Variants in KAZN observed in about 807,000 individuals in gnomAD.
KAZN encodes the protein kazrin.
Under a neutral mutation model 87.4 loss-of-function variants are expected in KAZN, and 40 were observed. The observed-to-expected ratio is 0.46, with a 90% CI of 0.36 to 0.60. The LOEUF (loss-of-function observed/expected upper bound fraction) is 0.60. Among genes scored for constraint, KAZN ranks in the 20% least tolerant of loss-of-function variants. The pLI is 0.00. For missense variants in KAZN, 898 were observed against 1,073.9 expected, an observed-to-expected ratio of 0.84 and a Z score of 2.29; for synonymous variants, 466 against 458.3, an observed-to-expected ratio of 1.02 and a Z score of -0.22.
At chr1:14,045,083 T>C (rs1420392434) in intron 1 of KAZN, among the ~76,000 whole-genome samples, 1 of 152,204 alleles carries the variant, frequency 6.6e-6, no homozygotes, top group African/African-American at 2.4e-5. Context: ...GTTACACAGA[T>C]GCCAAAGCCA....
At chr1:14,814,321 G>A (rs1381001309) in intron 1 of KAZN, among the ~76,000 whole-genome samples, 1 of 152,122 alleles carries the variant, frequency 6.6e-6, no homozygotes, top group Non-Finnish European at 1.5e-5. Context: ...CTGCCCCCCG[G>A]GTTCAAGTGA....
intron 1 of KAZN, among the ~76,000 whole-genome samples, chr1:14,888,194 T>C (rs779873862): frequency 6.6e-6 from 1 of 152,148 alleles, no homozygotes; most frequent in Non-Finnish European, 1.5e-5. Context: ...GAGCGGTGCT[T>C]TCAGAGGCTC....
At chr1:14,469,892 G>C (rs1668361386) in intron 2 of KAZN, among the ~76,000 whole-genome samples, 1 of 152,194 alleles carries the variant, frequency 6.6e-6, no homozygotes, top group African/African-American at 2.4e-5. Context: ...TCGGTATTCT[G>C]TGTTGGTTTT....
chr1:14,485,751 G>A (rs1669317582), intron 2 of KAZN, among the ~76,000 whole-genome samples: 1 of 151,870 alleles, frequency 6.6e-6, no homozygotes, highest in Admixed American at 6.6e-5. Context: ...AAATTAGCCG[G>A]GCATGCTGGT....
intron 1 of KAZN, among the ~76,000 whole-genome samples, chr1:14,879,517 C>T (rs553130713): frequency 5.9e-5 from 9 of 152,134 alleles, no homozygotes; most frequent in Non-Finnish European, 1.0e-4. Flanking sequence ...CAAAGCAAAA[C>T]GGCCCTGGGT....
intron 2 of KAZN, among the ~76,000 whole-genome samples, chr1:14,254,503 G>T (rs2100626370): frequency 6.6e-6 from 1 of 152,246 alleles, no homozygotes; most frequent in Admixed American, 6.5e-5. Flanking sequence ...ATATAGTGGG[G>T]TGAGGTTCTG....
chr1:14,810,946 G>A (rs1485489671), intron 1 of KAZN, among the ~76,000 whole-genome samples: 2 of 152,220 alleles, frequency 1.3e-5, no homozygotes, highest in Non-Finnish European at 2.9e-5. Context: ...GAGGGCATAG[G>A]ACATCCAAGG....
At chr1:14,836,144 G>A (rs78437744) in intron 1 of KAZN, among the ~76,000 whole-genome samples, 1 of 152,130 alleles carries the variant, frequency 6.6e-6, no homozygotes, top group African/African-American at 2.4e-5. Flanking sequence ...TGAGAGAAGA[G>A]GGGACAGAAG....
chr1:14,046,499 C>G (rs912320855), intron 1 of KAZN, among the ~76,000 whole-genome samples: 4 of 152,200 alleles, frequency 2.6e-5, no homozygotes, highest in Admixed American at 6.5e-5. Context: ...TCCAAATACA[C>G]TCCAACATCC....
chr1:14,905,837 C>T (rs1239351462), intron 1 of KAZN, among the ~76,000 whole-genome samples: 2 of 131,452 alleles, frequency 1.5e-5, no homozygotes, highest in Admixed American at 7.8e-5. Context: ...TGTGAGACTC[C>T]GTCTCAAAAA....
intron 3 of KAZN, among the ~76,000 whole-genome samples, chr1:15,035,838 T>TGTTTTCTGCCCTGC (rs1672204414): frequency 6.6e-6 from 1 of 152,154 alleles, no homozygotes; most frequent in Admixed American, 6.5e-5. Flanking sequence ...TTCTGGCCTC[T>TGTTTTCTGCCCTGC]GTTTTCTGCC....
At chr1:14,959,731 G>C (rs1034841162) in intron 1 of KAZN, among the ~76,000 whole-genome samples, 25 of 152,330 alleles carry the variant, frequency 1.6e-4, no homozygotes, top group Admixed American at 1.4e-3. Context: ...TGCACAGCCT[G>C]ATCACTGCCT....
intron 2 of KAZN, among the ~76,000 whole-genome samples, chr1:14,319,889 C>G (rs1160598860): frequency 6.6e-6 from 1 of 152,150 alleles, no homozygotes; most frequent in Non-Finnish European, 1.5e-5. Context: ...TAAACTGAGT[C>G]AAATCTGATT....
At chr1:14,260,505 G>A (rs1650930236) in intron 2 of KAZN, among the ~76,000 whole-genome samples, 1 of 152,164 alleles carries the variant, frequency 6.6e-6, no homozygotes, top group African/African-American at 2.4e-5. Context: ...GGGACAATAG[G>A]AGAGAAGTCA....
At chr1:14,663,785 A>G (rs1169886170) in intron 1 of KAZN, among the ~76,000 whole-genome samples, 3 of 152,202 alleles carry the variant, frequency 2.0e-5, no homozygotes, top group African/African-American at 4.8e-5. Flanking sequence ...TGAAAATAAA[A>G]TTACCTTATG....
intron 2 of KAZN, among the ~76,000 whole-genome samples, chr1:14,342,468 T>G (rs1657803790): frequency 6.6e-6 from 1 of 152,232 alleles, no homozygotes; most frequent in South Asian, 2.1e-4. Flanking sequence ...GCTTTTTCAC[T>G]AGCATACAAA....
intron 2 of KAZN, among the ~76,000 whole-genome samples, chr1:14,527,181 G>T (rs564106908): frequency 6.6e-6 from 1 of 152,252 alleles, no homozygotes; most frequent in East Asian, 1.9e-4. Flanking sequence ...GCTGGGCCTG[G>T]AGTCATCTAA....
intron 1 of KAZN, among the ~76,000 whole-genome samples, chr1:14,919,129 C>G (rs1297303203): frequency 6.6e-6 from 1 of 152,204 alleles, no homozygotes; most frequent in Non-Finnish European, 1.5e-5. Context: ...ACCCGCAAAG[C>G]CAGCCCTTCG....
At chr1:14,728,444 T>G (rs1643522583) in intron 1 of KAZN, among the ~76,000 whole-genome samples, 1 of 152,082 alleles carries the variant, frequency 6.6e-6, no homozygotes, top group South Asian at 2.1e-4. Context: ...GCTGCCCAGT[T>G]CCTAAGAGGC....
Sources: allele counts gnomAD v4.1 joint callset (sites outside exome capture counted in the v4.1 genomes callset), GRCh38; gene constraint gnomAD v4.1.1; transcripts MANE v1.5; gene names NCBI Gene and HGNC (gene_info 2026-07-23, HGNC 2026-07-21).